Variants in PHKB observed in about 807,000 individuals in gnomAD.
The protein encoded by PHKB is phosphorylase kinase regulatory subunit beta, also known as phosphorylase b kinase regulatory subunit beta.
A neutral mutation model predicts 152.1 loss-of-function variants in PHKB; 122 were observed. That is an observed-to-expected ratio of 0.80 (90% CI 0.69 to 0.93). The LOEUF (loss-of-function observed/expected upper bound fraction) is 0.93, where lower values mean the gene tolerates loss of function less well. Among genes scored for constraint, PHKB ranks in the 40% least tolerant of loss-of-function variants. The pLI is 0.00. For missense variants in PHKB, 1,304 were observed against 1,328.4 expected, an observed-to-expected ratio of 0.98 and a Z score of 0.29; for synonymous variants, 436 against 464.9, an observed-to-expected ratio of 0.94 and a Z score of 0.80.
chr16:47,693,342 G>A, intron 27 of PHKB, 36 bp from the exon 28 acceptor site: 1 of 1,612,808 alleles, frequency 6.2e-7, no homozygotes, highest in Non-Finnish European at 8.5e-7. Context: ...GAACAAGCTT[G>A]TTCTTCAACT....
At chr16:47,612,756 C>A (rs1972450946) in intron 14 of PHKB, among the ~76,000 whole-genome samples, 1 of 152,122 alleles carries the variant, frequency 6.6e-6, no homozygotes, top group South Asian at 2.1e-4. Context: ...GGATATGTCC[C>A]CATGTGGTTG....
At chr16:47,667,213 C>T (rs551591671) in intron 25 of PHKB, among the ~76,000 whole-genome samples, 1 of 152,076 alleles carries the variant, frequency 6.6e-6, no homozygotes, top group South Asian at 2.1e-4. Flanking sequence ...GGGAGGATCA[C>T]TTGAGGCCAG....
intron 16 of PHKB, among the ~76,000 whole-genome samples, chr16:47,647,889 C>T (rs1281672961): frequency 6.6e-6 from 1 of 152,146 alleles, no homozygotes; most frequent in Non-Finnish European, 1.5e-5. Context: ...AATATACACA[C>T]ATATTGACCT....
intron 5 of PHKB, among the ~76,000 whole-genome samples, chr16:47,514,823 G>C (rs1247707612): frequency 6.6e-6 from 1 of 152,094 alleles, no homozygotes; most frequent in Admixed American, 6.6e-5. Context: ...TTTTGTTAAA[G>C]TGATATTAGT....
At position 47,661,761 on chromosome 16, in the gene PHKB, C is replaced by G; in HGVS notation, c.2239C>G (p.Leu747Val). 6.2e-7 allele frequency: 1 copy of G among 1,613,476 alleles called. No homozygotes were observed. The highest frequency in any genetic ancestry group is 8.5e-7 in the Non-Finnish European group (1 of 1,179,478). Residue 747 changes from leucine to valine, a missense_variant, in exon 23 of 31, where the codon CTG becomes GTG. Coordinates refer to ENST00000323584, the MANE Select transcript of PHKB (RefSeq NM_000293.3). ...LASQAILLGI[L>V]LKREGPNFIT... The stretch of plus-strand genomic sequence containing the variant: ...TAGCCAAGCCATCCTGCTGGGTATA[C>G]TGCTCAAAAGAGAAGGCCCCAACTT...
At chr16:47,531,346 C>G (rs1408775008) in intron 6 of PHKB, among the ~76,000 whole-genome samples, 3 of 152,102 alleles carry the variant, frequency 2.0e-5, no homozygotes, top group Non-Finnish European at 4.4e-5. Context: ...CAAGGGTGTT[C>G]AAACTTTTTG....
At chr16:47,550,355 G>A (rs1024351355) in intron 7 of PHKB, among the ~76,000 whole-genome samples, 4 of 152,110 alleles carry the variant, frequency 2.6e-5, no homozygotes, top group Non-Finnish European at 4.4e-5. Context: ...GGATTAATTG[G>A]ATCTATTCTT....
intron 8 of PHKB, among the ~76,000 whole-genome samples, chr16:47,585,796 A>G (rs1202221020): frequency 6.6e-6 from 1 of 152,244 alleles, no homozygotes; most frequent in African/African-American, 2.4e-5. Flanking sequence ...GCCAGAAAAT[A>G]GAAGTTGGCT....
intron 7 of PHKB, among the ~76,000 whole-genome samples, chr16:47,569,451 A>C (rs994191822): frequency 6.6e-6 from 1 of 152,124 alleles, no homozygotes; most frequent in Non-Finnish European, 1.5e-5. Flanking sequence ...TGTGTTTTTT[A>C]AAATCCATTC....
intron 7 of PHKB, among the ~76,000 whole-genome samples, chr16:47,570,472 T>C (rs1296155398): frequency 6.6e-6 from 1 of 152,162 alleles, no homozygotes; most frequent in East Asian, 1.9e-4. Context: ...ATTTTATTTG[T>C]TTCTTTGTAT....
At chr16:47,593,001 A>G (rs1043895329) in intron 10 of PHKB, among the ~76,000 whole-genome samples, 9 of 151,758 alleles carry the variant, frequency 5.9e-5, no homozygotes, top group Non-Finnish European at 1.3e-4. Flanking sequence ...CTGTAATCCC[A>G]GCACTTTGGG....
intron 26 of PHKB, among the ~76,000 whole-genome samples, chr16:47,679,255 T>C (rs913593252): frequency 6.6e-6 from 1 of 152,232 alleles, no homozygotes; most frequent in African/African-American, 2.4e-5. Context: ...CGATGCGGGC[T>C]CTTTTTTGGT....
rs527426323 is a variant in PHKB at position 47,665,956 on chromosome 16, G to T, written c.2427+981G>T. On this transcript the variant is annotated intron_variant, in intron 25 of 30. Coordinates refer to ENST00000323584, the MANE Select transcript of PHKB (RefSeq NM_000293.3). ...TTTGCCCCCAGGTCGGTTGTACGCC[G>T]TGCAGCAAGTCTTTTAAGTAAAGTA... 2 of 1,613,644 alleles carry T rather than the reference G, an allele frequency of 1.2e-6. No homozygotes were observed. The highest frequency in any genetic ancestry group is 3.3e-5 in the Admixed American group (2 of 60,014).
chr16:47,627,274 C>T (rs986830388), intron 14 of PHKB, among the ~76,000 whole-genome samples: 18 of 152,164 alleles, frequency 1.2e-4, no homozygotes, highest in Non-Finnish European at 4.4e-5. Flanking sequence ...ATGAGAACAC[C>T]GTAGGTCAGA....
At chr16:47,606,855 T>C (rs1972333829) in intron 13 of PHKB, among the ~76,000 whole-genome samples, 1 of 152,178 alleles carries the variant, frequency 6.6e-6, no homozygotes, top group African/African-American at 2.4e-5. Context: ...ACAGACTTAG[T>C]GCCTTCCTCC....
intron 7 of PHKB, among the ~76,000 whole-genome samples, chr16:47,556,649 T>G (rs1971375598): frequency 6.6e-6 from 1 of 152,210 alleles, no homozygotes; most frequent in African/African-American, 2.4e-5. Flanking sequence ...AGCTTTTTGA[T>G]GTGCTGCTGG....
intron 16 of PHKB, among the ~76,000 whole-genome samples, chr16:47,646,547 T>TAAAAAAAAAAAAAAAAAAAAAAA (rs1973128684): frequency 9.7e-6 from 1 of 103,528 alleles, no homozygotes; most frequent in African/African-American, 3.9e-5. Context: ...AAAAAAAACA[T>TAAAAAAAAAAAAAAAAAAAAAAA]TAAAAATAAA....
At chr16:47,696,271 A>G in intron 28 of PHKB, 110 bp from the exon 29 acceptor site, 1 of 726,932 alleles carries the variant, frequency 1.4e-6, no homozygotes, top group Non-Finnish European at 2.5e-6. Flanking sequence ...ATGTTCTCCA[A>G]GGTTTTATAA....
At chr16:47,477,913 T>C (rs1969896637) in intron 1 of PHKB, among the ~76,000 whole-genome samples, 1 of 152,208 alleles carries the variant, frequency 6.6e-6, no homozygotes, top group African/African-American at 2.4e-5. Context: ...TGTGTCATAG[T>C]GTGAACTTTA....
Sources: gnomAD v4.1 joint callset for allele counts (sites outside exome capture counted in the v4.1 genomes callset) on GRCh38, gnomAD v4.1.1 for gene constraint, MANE v1.5 for transcripts, NCBI Gene and HGNC (gene_info 2026-07-23, HGNC 2026-07-21) for gene names.